The following SEPTIN11 variants were observed in gnomAD, a reference collection of about 807,000 sequenced individuals.
SEPTIN11 encodes the protein septin 11.
Under a neutral mutation model 51.4 loss-of-function variants are expected in SEPTIN11, and 25 were observed. The ratio of observed to expected loss-of-function variants is 0.49; its 90% confidence interval spans 0.35 to 0.68. The LOEUF (loss-of-function observed/expected upper bound fraction) is 0.68. Ranked by LOEUF, SEPTIN11 falls within the 30% of genes least tolerant of loss-of-function variation. The probability of loss-of-function intolerance (pLI) is 0.00; values close to 1 mark genes in which losing one functional copy is unlikely to be tolerated. For missense variants in SEPTIN11, 381 were observed against 520.8 expected (o/e 0.73, Z 2.61); for synonymous variants, 174 against 184.1 (o/e 0.95, Z 0.44).
At chr4:77,023,922 G>A (rs1201107718) in intron 7 of SEPTIN11, among the ~76,000 whole-genome samples, 2 of 152,202 alleles carry the variant, frequency 1.3e-5, no homozygotes, top group Non-Finnish European at 2.9e-5. Context: ...GCTTGGAGGA[G>A]TATAAATCAA....
rs566137181 is a variant in SEPTIN11, at chr4:76,996,961, C to A, written c.142+422C>A. Among the ~76,000 whole-genome samples, 570 of 148,444 alleles carry A rather than the reference C, an allele frequency of 3.8e-3. 5 individuals are homozygous for A. Among genetic ancestry groups the A allele is most frequent in the African/African-American group, 0.013 (532 of 40,296 alleles). ...GTGGGGCGATCTTGGCTCACTGCAA[C>A]CTCTGCCTCCCAGGTTCAAGCAATT... On this transcript the variant is annotated intron_variant, in intron 2 of 9. Coordinates refer to ENST00000264893, the MANE Select transcript of SEPTIN11 (RefSeq NM_018243.4).
chr4:76,996,966 G>A (rs1042677880), intron 2 of SEPTIN11, among the ~76,000 whole-genome samples: 3 of 146,314 alleles, frequency 2.1e-5, no homozygotes, highest in African/African-American at 7.6e-5. Flanking sequence ...TGCAACCTCT[G>A]CCTCCCAGGT....
chr4:76,966,968 G>A (rs1292398341), intron 1 of SEPTIN11, among the ~76,000 whole-genome samples: 1 of 151,970 alleles, frequency 6.6e-6, no homozygotes, highest in African/African-American at 2.4e-5. Flanking sequence ...AGGCCGAGGT[G>A]GGCAGATCAC....
chr4:77,033,650 G>A (rs1318299090), intron 9 of SEPTIN11, among the ~76,000 whole-genome samples: 1 of 152,164 alleles, frequency 6.6e-6, no homozygotes, highest in East Asian at 1.9e-4. Context: ...ACTGCCCAGG[G>A]GTAAGTTGGT....
chr4:77,014,999 G>A lies in SEPTIN11; in HGVS notation c.669G>A (p.Glu223=). The A allele has an allele frequency of 6.2e-7, 1 of 1,613,510 alleles. No individual in the cohort carries two copies. The highest frequency in any genetic ancestry group is 8.5e-7 in the Non-Finnish European group (1 of 1,179,860). ...CCACTGATGAAGAAACGGTGGCAGA[G>A]ATTAACGCAACAATGAGTGTAAGTC... is the stretch of plus-strand genomic sequence containing the variant. ...QFPTDEETVA[E]INATMSVHLP... is the part of the protein sequence containing the mutation. The change falls in exon 5 of 10, where the codon GAG becomes GAA. Residue 223 remains glutamate (E), a synonymous_variant. Coordinates refer to ENST00000264893, the MANE Select transcript of SEPTIN11 (RefSeq NM_018243.4).
At position 76,968,720 on chromosome 4, in the gene SEPTIN11, T is replaced by G. The variant is rs1182155648; in HGVS notation, c.27+18790T>G. ...TCATTAACAGTAAAAGAAAAAGATG[T>G]GGCAAAATTGCTCTTGATTTTACAG... is the stretch of plus-strand genomic sequence containing the variant. On this transcript the variant is annotated intron_variant, in intron 1 of 9. Transcript: ENST00000264893. Among the ~76,000 whole-genome samples the G allele has an allele frequency of 2.0e-5, 3 of 152,188 alleles. No homozygotes were observed. The East Asian group carries it at 5.8e-4, about 29-fold the overall frequency.
intron 2 of SEPTIN11, among the ~76,000 whole-genome samples, chr4:77,002,866 G>T (rs1056422871): frequency 6.6e-6 from 1 of 152,098 alleles, no homozygotes; most frequent in Non-Finnish European, 1.5e-5. Flanking sequence ...TGACATTCAG[G>T]ATGTTACAAA....
At chr4:76,986,380 A>G (rs183953890) in intron 1 of SEPTIN11, among the ~76,000 whole-genome samples, 44 of 151,894 alleles carry the variant, frequency 2.9e-4, no homozygotes, top group African/African-American at 1.1e-3. Flanking sequence ...CCAGCAGAGG[A>G]GATTGGGCTG....
chr4:76,978,007 T>C (rs1578135188), intron 1 of SEPTIN11, among the ~76,000 whole-genome samples: 1 of 152,348 alleles, frequency 6.6e-6, no homozygotes, highest in South Asian at 2.1e-4. Flanking sequence ...GCAACTTCTA[T>C]GTAAGCTTTG....
chr4:77,029,617 C>G (rs1282741123), intron 8 of SEPTIN11, among the ~76,000 whole-genome samples: 1 of 152,078 alleles, frequency 6.6e-6, no homozygotes, highest in African/African-American at 2.4e-5. Context: ...GGTAAAAAAT[C>G]TAAAATTGTC....
chr4:77,033,843 AATAAGGTTGC>A (rs1726852666), intron 9 of SEPTIN11, among the ~76,000 whole-genome samples: 1 of 152,210 alleles, frequency 6.6e-6, no homozygotes, highest in Non-Finnish European at 1.5e-5. Context: ...CTTGCTAAGG[AATAAGGTTGC>A]ATGTTTTGCA....
Position 77,038,596 on chromosome 4 carries a change from A to G in SEPTIN11, c.*4084A>G. The G allele has an allele frequency of 1.0e-6, 1 of 993,706 alleles. No homozygotes were observed. Among genetic ancestry groups the G allele is most frequent in the Non-Finnish European group, 1.2e-6 (1 of 835,134 alleles). 61.6% of individuals were successfully genotyped at this position (993,706 alleles called of 1,614,324 possible). ...GCCAAGACATAAAGCGGGGGAAAATATATTTTTACCCAAACATTATTTGTG... is the reference window on the plus strand; with the variant it reads ...GCCAAGACATAAAGCGGGGGAAAATGTATTTTTACCCAAACATTATTTGTG... On this transcript the variant is annotated 3_prime_UTR_variant, in exon 10 of 10. Coordinates refer to ENST00000264893, the MANE Select transcript of SEPTIN11 (RefSeq NM_018243.4).
At position 77,029,665 on chromosome 4, in the gene SEPTIN11, T is replaced by A. The variant is rs188992224; in HGVS notation, c.1086+904T>A. Among the ~76,000 whole-genome samples the A allele has an allele frequency of 2.0e-5, 3 of 152,132 alleles. No homozygotes were observed. In the East Asian group the frequency reaches 5.8e-4, roughly 29 times the overall value. On this transcript the variant is annotated intron_variant, in intron 8 of 9. Coordinates refer to ENST00000264893, the MANE Select transcript of SEPTIN11 (RefSeq NM_018243.4). Reference sequence around the variant, plus strand: ...CTTTCCTTTTCTTTTTCATTTTCTTTCTTCTTCCTTTGCTTTTCTTCTTCC... The same window carrying A: ...CTTTCCTTTTCTTTTTCATTTTCTTACTTCTTCCTTTGCTTTTCTTCTTCC...
intron 1 of SEPTIN11, among the ~76,000 whole-genome samples, chr4:76,963,794 C>CTTTA (rs909406920): frequency 2.6e-5 from 4 of 152,026 alleles, no homozygotes; most frequent in African/African-American, 7.2e-5. Flanking sequence ...CCAAGAAAAA[C>CTTTA]TTTATTTATT....
rs1727155393 is a variant in SEPTIN11, at chr4:77,038,068, C to A, written c.*3556C>A. ...TCTGTGTGGTCCTACAAAAACTGTCCATTCCCACCCCTTTGCTTTGCCATT... is the reference window on the plus strand; with the variant it reads ...TCTGTGTGGTCCTACAAAAACTGTCAATTCCCACCCCTTTGCTTTGCCATT... On this transcript the variant is annotated 3_prime_UTR_variant, in exon 10 of 10. Transcript: ENST00000264893. 5 of 985,770 alleles carry A rather than the reference C, an allele frequency of 5.1e-6. No individual in the cohort carries two copies. In the South Asian group the frequency reaches 2.3e-4, roughly 46 times the overall value. The allele number at this position is 985,770 out of a possible 1,614,324, so 61.1% of individuals were successfully genotyped here. A position where few individuals can be genotyped will look rare whatever the true frequency, so the allele number is the denominator to read the frequency against.
At position 77,038,319 on chromosome 4, in the gene SEPTIN11, T is replaced by C. The variant is rs1727170331; in HGVS notation, c.*3807T>C. 1 of 985,812 alleles carries C rather than the reference T, an allele frequency of 1.0e-6. No homozygotes were observed. The highest frequency in any genetic ancestry group is 1.2e-6 in the Non-Finnish European group (1 of 829,844). The allele number at this position is 985,812 out of a possible 1,614,324, so 61.1% of individuals were successfully genotyped here. A position where few individuals can be genotyped will look rare whatever the true frequency, so the allele number is the denominator to read the frequency against. On this transcript the variant is annotated 3_prime_UTR_variant, in exon 10 of 10. Coordinates refer to ENST00000264893, the MANE Select transcript of SEPTIN11 (RefSeq NM_018243.4). ...AAACTGTAGTTGTAGATCCTTGTCA[T>C]TTTGCTGTTTGAAAATAACCAATGT...
At chr4:76,964,671 A>G (rs1468983101) in intron 1 of SEPTIN11, among the ~76,000 whole-genome samples, 1 of 152,366 alleles carries the variant, frequency 6.6e-6, no homozygotes, top group Admixed American at 6.5e-5. Flanking sequence ...CATCACCATC[A>G]TCATCATCAA....
In SEPTIN11 at chr4:77,037,369, A is replaced by G. The variant is rs1460940831; in HGVS notation, c.*2857A>G. 1 of 985,226 alleles carries G rather than the reference A, an allele frequency of 1.0e-6. No homozygotes were observed. Among genetic ancestry groups the G allele is most frequent in the Non-Finnish European group, 1.2e-6 (1 of 829,880 alleles). 61.0% of individuals were successfully genotyped at this position (985,226 alleles called of 1,614,324 possible). On this transcript the variant is annotated 3_prime_UTR_variant, in exon 10 of 10. Coordinates refer to ENST00000264893, the MANE Select transcript of SEPTIN11 (RefSeq NM_018243.4). ...GAAGTGAGACTCTCCAAAAAAAAAA[A>G]AGAAATTATTAATCCCTGCCTGTGC...
chr4:77,010,641 A>G (rs997228282), intron 3 of SEPTIN11, among the ~76,000 whole-genome samples: 3 of 152,156 alleles, frequency 2.0e-5, no homozygotes, highest in Admixed American at 6.6e-5. Context: ...TGTCTGCGTC[A>G]TTTTTATTAT....
Sources: gnomAD v4.1 joint callset for allele counts (sites outside exome capture counted in the v4.1 genomes callset) on GRCh38, gnomAD v4.1.1 for gene constraint, MANE v1.5 for transcripts, NCBI Gene and HGNC (gene_info 2026-07-23, HGNC 2026-07-21) for gene names.